The following SLC38A9 variants were observed in gnomAD, a reference collection of about 807,000 sequenced individuals.
SLC38A9 encodes the protein neutral amino acid transporter 9.
In SLC38A9, 48 loss-of-function variants were observed where a neutral mutation model predicts 62.3. The observed-to-expected ratio is 0.77, with a 90% CI of 0.61 to 0.98. The LOEUF is 0.98. Ranked by LOEUF, SLC38A9 falls within the 50% of genes least tolerant of loss-of-function variation. The probability of loss-of-function intolerance (pLI) is 0.00; values close to 1 mark genes in which losing one functional copy is unlikely to be tolerated. For synonymous variants in SLC38A9, 204 were observed against 227.7 expected, an observed-to-expected ratio of 0.90 and a Z score of 0.94; for missense variants, 541 against 679.8, an observed-to-expected ratio of 0.80 and a Z score of 2.27.
intron 2 of SLC38A9, among the ~76,000 whole-genome samples, chr5:55,706,734 G>C (rs566389964): frequency 1.3e-5 from 2 of 152,254 alleles, no homozygotes; most frequent in East Asian, 3.9e-4. Context: ...CTGGTAATTT[G>C]CAGTTGTCTC....
At chr5:55,691,092 T>C in intron 3 of SLC38A9, 1 of 689,444 alleles carries the variant, frequency 1.5e-6, no homozygotes, top group Non-Finnish European at 2.7e-6. Flanking sequence ...TGAAGGGCAG[T>C]AGGAATGCTG....
chr5:55,637,629 C>T (rs530284725), intron 12 of SLC38A9, among the ~76,000 whole-genome samples: 1 of 152,286 alleles, frequency 6.6e-6, no homozygotes, highest in South Asian at 2.1e-4. Context: ...ATACCCAGGA[C>T]CACGCCTGGT....
intron 3 of SLC38A9, chr5:55,697,152 G>A (rs1157740509): frequency 6.6e-6 from 1 of 151,924 alleles, no homozygotes; most frequent in Non-Finnish European, 1.5e-5. Flanking sequence ...TCACTTCCCA[G>A]ACGGGGTGGC....
At chr5:55,711,322 A>T (rs1758021367) in intron 2 of SLC38A9, 130 bp downstream of exon 2, 1 of 153,240 alleles carries the variant, frequency 6.5e-6, no homozygotes, top group Non-Finnish European at 1.5e-5. Context: ...AAGAAAAGAA[A>T]AAAGAAAACA....
intron 14 of SLC38A9, among the ~76,000 whole-genome samples, chr5:55,631,280 A>G (rs1490571707): frequency 6.6e-6 from 1 of 152,238 alleles, no homozygotes; most frequent in Non-Finnish European, 1.5e-5. Context: ...GCTCCAAAGT[A>G]TGCACACTCT....
At chr5:55,663,511 G>A (rs1335065504) in intron 8 of SLC38A9, among the ~76,000 whole-genome samples, 1 of 151,980 alleles carries the variant, frequency 6.6e-6, no homozygotes, top group African/African-American at 2.4e-5. Flanking sequence ...CGAGGTGGGA[G>A]GATCACTTGA....
chr5:55,685,836 T>C (rs1355682777), intron 3 of SLC38A9, among the ~76,000 whole-genome samples: 1 of 152,130 alleles, frequency 6.6e-6, no homozygotes, highest in Non-Finnish European at 1.5e-5. Context: ...TATGTGTCCA[T>C]GGTGTTCTTA....
chr5:55,639,272 T>TTAAAAA (rs1391586466), intron 12 of SLC38A9, among the ~76,000 whole-genome samples: 17 of 54,648 alleles, frequency 3.1e-4, no homozygotes, highest in African/African-American at 1.1e-3. Context: ...AAACTCTGTC[T>TTAAAAA]AAAAAAAAAA....
intron 8 of SLC38A9, among the ~76,000 whole-genome samples, chr5:55,664,178 T>C (rs912539328): frequency 6.6e-6 from 1 of 151,936 alleles, no homozygotes; most frequent in African/African-American, 2.4e-5. Context: ...GAACTTCCTC[T>C]ATCTAACCTA....
Position 55,626,332 on chromosome 5 carries a change from T to TA in SLC38A9, c.*161dup, listed in dbSNP as rs1742402244. ...CTTTTTGCCCCTTTCCCCACCCCAA[T>TA]AAAAAAATACTCATTAAGGGGCCAC... On this transcript the variant is annotated 3_prime_UTR_variant, in exon 16 of 16. Transcript: ENST00000396865. The TA allele has an allele frequency of 6.6e-6, 4 of 605,944 alleles. No individual in the cohort carries two copies. The highest frequency in any genetic ancestry group is 5.5e-6 in the Non-Finnish European group (2 of 360,584). 37.5% of individuals were successfully genotyped at this position (605,944 alleles called of 1,614,324 possible).
rs1374765501 is a variant in SLC38A9 at position 55,669,211 on chromosome 5, CTGTGTCAAAT to C, written c.526+7_526+16del. On this transcript the variant is annotated splice_region_variant and intron_variant, in intron 7 of 15. Coordinates refer to ENST00000396865, the MANE Select transcript of SLC38A9 (RefSeq NM_173514.4). ...TATTAATACCCATAATCTATTGTCA[CTGTGTCAAAT>C]TCTTACACATCATAGTCCGTGATTT... 1.3e-6 allele frequency: 2 copies of C among 1,580,208 alleles called. No homozygotes were observed. Among genetic ancestry groups the C allele is most frequent in the African/African-American group, 2.7e-5 (2 of 74,202 alleles).
intron 3 of SLC38A9, among the ~76,000 whole-genome samples, chr5:55,690,188 C>T (rs184993077): frequency 1.2e-4 from 18 of 152,170 alleles, no homozygotes; most frequent in African/African-American, 3.6e-4. Context: ...GCATATATCT[C>T]GCTATGTTGC....
At position 55,706,941 on chromosome 5, in the gene SLC38A9, G is replaced by A. The variant is rs531560403; in HGVS notation, c.-35+4511C>T. ...GAGAATTTCAGGTGACAACAGATATGCTTTCTTTTTTTTTTTTTGAGACAG... is the reference window on the plus strand; with the variant it reads ...GAGAATTTCAGGTGACAACAGATATACTTTCTTTTTTTTTTTTTGAGACAG... On this transcript the variant is annotated intron_variant, in intron 2 of 15. Transcript: ENST00000396865. Among the ~76,000 whole-genome samples, 4 of 150,676 alleles carry A rather than the reference G, an allele frequency of 2.7e-5. No homozygotes were observed. The South Asian group carries it at 6.3e-4, about 24-fold the overall frequency.
chr5:55,669,970 T>A, intron 4 of SLC38A9, 91 bp from the exon 5 acceptor site: 3 of 1,121,200 alleles, frequency 2.7e-6, no homozygotes, highest in Non-Finnish European at 3.7e-6. Flanking sequence ...TCTAGACACC[T>A]TTTTTTTTCT....
At chr5:55,688,361 A>G (rs1038309886) in intron 3 of SLC38A9, among the ~76,000 whole-genome samples, 3 of 148,782 alleles carry the variant, frequency 2.0e-5, no homozygotes, top group Non-Finnish European at 4.5e-5. Context: ...CCAGCAATGT[A>G]TGAATTAGGG....
At chr5:55,690,954 CAA>C (rs2150533263) in intron 3 of SLC38A9, among the ~76,000 whole-genome samples, 1 of 152,152 alleles carries the variant, frequency 6.6e-6, no homozygotes, top group South Asian at 2.1e-4. Flanking sequence ...CCTTAAGTAC[CAA>C]AAAGAGTCAA....
intron 12 of SLC38A9, among the ~76,000 whole-genome samples, chr5:55,642,465 A>C (rs1452207751): frequency 6.6e-6 from 1 of 152,208 alleles, no homozygotes; most frequent in African/African-American, 2.4e-5. Flanking sequence ...TCCTAGGTAC[A>C]TGAGGTTGTT....
intron 3 of SLC38A9, among the ~76,000 whole-genome samples, chr5:55,689,649 A>G (rs1754453067): frequency 6.6e-6 from 1 of 152,074 alleles, no homozygotes; most frequent in Admixed American, 6.6e-5. Context: ...CCTCCAAAAA[A>G]CCCACACTTT....
rs185692947 is a variant in SLC38A9, at chr5:55,667,050, C to T, written c.526+2178G>A. Among the ~76,000 whole-genome samples, 485 of 151,968 alleles carry T rather than the reference C, an allele frequency of 3.2e-3. 3 individuals carry two copies. The highest frequency in any genetic ancestry group is 0.017 in the Middle Eastern group (5 of 294). On this transcript the variant is annotated intron_variant, in intron 7 of 15. Transcript: ENST00000396865. ...AAAATACAAAAAATACAAAAATTAA[C>T]CAGGCGTGGTGGTGGGCGCCTGTAG...
Sources: allele counts gnomAD v4.1 joint callset (sites outside exome capture counted in the v4.1 genomes callset), GRCh38; gene constraint gnomAD v4.1.1; transcripts MANE v1.5; gene names NCBI Gene and HGNC (gene_info 2026-07-23, HGNC 2026-07-21).